NSMAF: variants seen among roughly 807,000 people sequenced by gnomAD.
The protein encoded by NSMAF is protein FAN.
Under a neutral mutation model 134.9 loss-of-function variants are expected in NSMAF, and 90 were observed. That is an observed-to-expected ratio of 0.67 (90% CI 0.56 to 0.79). The LOEUF is 0.79. NSMAF is among the 30% of genes least tolerant of loss of function. The pLI, the probability that NSMAF is intolerant of heterozygous loss-of-function variation, is 0.00. For missense variants in NSMAF, 1,010 were observed against 1,119.0 expected (o/e 0.90, Z 1.39); for synonymous variants, 358 against 389.6 (o/e 0.92, Z 0.96).
chr8:58,631,379 A>G, intron 6 of NSMAF, 117 bp downstream of exon 6: 1 of 519,810 alleles, frequency 1.9e-6, no homozygotes, highest in Non-Finnish European at 3.4e-6. Flanking sequence ...TCCAGGTAAG[A>G]AGCTTTTAAA....
At chr8:58,594,604 T>C in intron 22 of NSMAF, 2 of 353,260 alleles carry the variant, frequency 5.7e-6, no homozygotes, top group Non-Finnish European at 1.0e-5. Flanking sequence ...CGTTTGACCA[T>C]CACCAAAAGG....
chr8:58,599,639 T>C, intron 18 of NSMAF, 111 bp downstream of exon 18: 2 of 1,246,222 alleles, frequency 1.6e-6, no homozygotes, highest in Non-Finnish European at 2.2e-6. Flanking sequence ...TATATCCTTA[T>C]TTAGAGAATT....
chr8:58,596,434 T>C (rs1309642318), intron 21 of NSMAF, among the ~76,000 whole-genome samples: 4 of 152,198 alleles, frequency 2.6e-5, no homozygotes. Context: ...AGGTTTGAAG[T>C]TGTCTTAGGT....
intron 1 of NSMAF, among the ~76,000 whole-genome samples, chr8:58,654,603 C>T (rs1345199359): frequency 1.3e-5 from 2 of 152,132 alleles, no homozygotes; most frequent in African/African-American, 4.8e-5. Context: ...GAATATTATA[C>T]ACTCATGGAA....
chr8:58,612,656 T>TG (rs1806556292), intron 9 of NSMAF, among the ~76,000 whole-genome samples: 1 of 152,198 alleles, frequency 6.6e-6, no homozygotes, highest in African/African-American at 2.4e-5. Flanking sequence ...GCAGCCTTGT[T>TG]GGACTGAGCT....
chr8:58,641,798 A>G (rs1807344449), intron 2 of NSMAF, among the ~76,000 whole-genome samples: 1 of 152,234 alleles, frequency 6.6e-6, no homozygotes, highest in Non-Finnish European at 1.5e-5. Context: ...TGCACATGTC[A>G]TCTTACCAGA....
chr8:58,583,820 C>T lies in NSMAF; in HGVS notation c.*286G>A, dbSNP rs1372514984. 8.3e-6 allele frequency: 3 copies of T among 360,978 alleles called. No homozygotes were observed. The highest frequency in any genetic ancestry group is 1.5e-5 in the Non-Finnish European group (3 of 196,822). The allele number at this position is 360,978 out of a possible 1,614,324, so 22.4% of individuals were successfully genotyped here. A position where few individuals can be genotyped will look rare whatever the true frequency, so the allele number is the denominator to read the frequency against. ...CAGCCCAATTTATCTCTTAGCTATT[C>T]TCTGCTACTTAGTCCTGTCTTCTGA... On this transcript the variant is annotated 3_prime_UTR_variant, in exon 31 of 31. Transcript: ENST00000038176.
At chr8:58,585,317 G>GTTATTTTTTTTTTTTTTTTTTTTT (rs1554572269) in intron 30 of NSMAF, among the ~76,000 whole-genome samples, 2 of 144,330 alleles carry the variant, frequency 1.4e-5, no homozygotes, top group African/African-American at 5.1e-5. Context: ...TTGTTTCTGG[G>GTTATTTTTTTTTTTTTTTTTTTTT]TTTTTTTTTT....
At chr8:58,597,669 T>C (rs1806171003) in intron 20 of NSMAF, 119 bp from the exon 21 acceptor site, 1 of 1,039,254 alleles carries the variant, frequency 9.6e-7, no homozygotes, top group Admixed American at 2.1e-5. Flanking sequence ...ACAGCAACTA[T>C]GTACCAGGAT....
chr8:58,631,429 G>A (rs1807055952), intron 6 of NSMAF, 67 bp downstream of exon 6: 4 of 916,780 alleles, frequency 4.4e-6, no homozygotes, highest in South Asian at 3.3e-5. Context: ...TGTTAATAGA[G>A]TCACAAAATT....
chr8:58,591,916 A>G (rs1009477939), intron 23 of NSMAF, among the ~76,000 whole-genome samples: 4 of 150,178 alleles, frequency 2.7e-5, no homozygotes, highest in Non-Finnish European at 4.4e-5. Flanking sequence ...TGATCTTTAA[A>G]TAATTTCTTC....
At position 58,618,609 on chromosome 8, in the gene NSMAF, TAAC is replaced by T. The variant is rs747332836; in HGVS notation, c.557+4608_557+4610del. 8.5e-4 allele frequency among the ~76,000 whole-genome samples: 129 copies of T among 151,834 alleles called. 2 individuals carry two copies. The highest frequency in any genetic ancestry group is 6.8e-3 in the Middle Eastern group (2 of 294). ...AAACATACACATTTATACATACAAA[TAAC>T]ACACACACACACAGAGCAACAATGT... On this transcript the variant is annotated intron_variant, in intron 9 of 30. Transcript: ENST00000038176.
intron 6 of NSMAF, 91 bp downstream of exon 6, chr8:58,631,405 T>C (rs937986930): frequency 2.1e-5 from 14 of 674,118 alleles, no homozygotes; most frequent in Non-Finnish European, 3.2e-5. Flanking sequence ...ATTATTATTA[T>C]ATTTGATTAA....
Position 58,635,223 on chromosome 8 carries a change from G to T in NSMAF, c.299C>A (p.Ala100Glu). 4 of 1,611,356 alleles carry T rather than the reference G, an allele frequency of 2.5e-6. No individual in the cohort carries two copies. The highest frequency in any genetic ancestry group is 3.4e-6 in the Non-Finnish European group (4 of 1,178,008). Residue 100 changes from alanine (A) to glutamate (E), a missense_variant and splice_region_variant, in exon 5 of 31, where the codon GCA becomes GAA. Ala to Glu is a moderately radical substitution (Grantham distance 107). Coordinates refer to ENST00000038176, the MANE Select transcript of NSMAF (RefSeq NM_003580.4). Reference sequence around the variant, plus strand: ...AATGAGTGAAATACCCCCAGATTTTGCCCTAAAATACAGATAAAAGTCATT... The same window carrying T: ...AATGAGTGAAATACCCCCAGATTTTTCCCTAAAATACAGATAAAAGTCATT... ...ENGANRHFTK[A>E]KSGGISLIFS...
intron 27 of NSMAF, among the ~76,000 whole-genome samples, 196 bp downstream of exon 27, chr8:58,587,422 G>C (rs1371303475): frequency 6.6e-6 from 1 of 152,128 alleles, no homozygotes; most frequent in African/African-American, 2.4e-5. Context: ...GAAGTAACTT[G>C]GAGAAAAAAT....
intron 22 of NSMAF, chr8:58,594,738 C>T (rs1261711638): frequency 6.1e-6 from 1 of 162,944 alleles, no homozygotes; most frequent in African/African-American, 2.4e-5. Context: ...TCTTCACTAC[C>T]TTGGATTACA....
At chr8:58,636,791 G>A (rs1036570696) in intron 2 of NSMAF, among the ~76,000 whole-genome samples, 1 of 152,184 alleles carries the variant, frequency 6.6e-6, no homozygotes, top group Non-Finnish European at 1.5e-5. Flanking sequence ...AAGCCCTGCT[G>A]TGAATCCATT....
intron 1 of NSMAF, among the ~76,000 whole-genome samples, chr8:58,649,959 G>C (rs1807546791): frequency 6.6e-6 from 1 of 152,152 alleles, no homozygotes; most frequent in South Asian, 2.1e-4. Context: ...GTCTGATCTA[G>C]AATTTGCATT....
At chr8:58,603,587 A>G (rs1806336847) in intron 12 of NSMAF, among the ~76,000 whole-genome samples, 1 of 152,284 alleles carries the variant, frequency 6.6e-6, no homozygotes, top group African/African-American at 2.4e-5. Flanking sequence ...AGGGGAAATT[A>G]TTAAATACAC....
Sources: allele counts gnomAD v4.1 joint callset (sites outside exome capture counted in the v4.1 genomes callset), GRCh38; gene constraint gnomAD v4.1.1; transcripts MANE v1.5; gene names NCBI Gene and HGNC (gene_info 2026-07-23, HGNC 2026-07-21).